NPRL3: variants seen among roughly 807,000 people sequenced by gnomAD.
NPRL3 encodes the protein GATOR1 complex protein NPRL3.
A neutral mutation model predicts 57.2 loss-of-function variants in NPRL3; 23 were observed. The ratio of observed to expected loss-of-function variants is 0.40; its 90% CI spans 0.29 to 0.57. The LOEUF is 0.57. Ranked by LOEUF, NPRL3 falls within the 20% of genes least tolerant of loss-of-function variation. The pLI is 0.42. For synonymous variants in NPRL3, 333 were observed against 321.1 expected (o/e 1.04, Z -0.39); for missense variants, 691 against 767.1 (o/e 0.90, Z 1.17).
In NPRL3 at chr16:86,886, G is replaced by A. The variant is rs1467379704; in HGVS notation, c.1545-16C>T. On this transcript the variant is annotated splice_polypyrimidine_tract_variant and intron_variant, in intron 13 of 13. Transcript: ENST00000611875. ...GTGAAGGAGCCTGGAAGGGATGGGT[G>A]GGTGTGAGCCCAACCTGACACCAGC... is the stretch of plus-strand genomic sequence containing the variant. The A allele has an allele frequency of 4.3e-6, 7 of 1,610,010 alleles. No individual in the cohort carries two copies. Among genetic ancestry groups the A allele is most frequent in the Non-Finnish European group, 5.9e-6 (7 of 1,178,060 alleles).
chr16:130,867 G>C (rs1900757605), intron 2 of NPRL3, among the ~76,000 whole-genome samples: 1 of 152,226 alleles, frequency 6.6e-6, no homozygotes. Context: ...GGTTAGCACA[G>C]GCTGGGAGCA....
rs1204468635 is a variant in NPRL3, at chr16:100,629, G to T, written c.630-120C>A. ...CTGCTTAGGGGAAACTGCAGGTGGA[G>T]ACCCGGGCAGGAGAGCATCTCTTAA... On this transcript the variant is annotated intron_variant, in intron 7 of 13. Coordinates refer to ENST00000611875, the MANE Select transcript of NPRL3 (RefSeq NM_001077350.3). 8 of 999,644 alleles carry T rather than the reference G, an allele frequency of 8.0e-6. No homozygotes were observed. In the East Asian group the frequency reaches 2.5e-4, roughly 32 times the overall value. The allele number at this position is 999,644 out of a possible 1,614,324, so 61.9% of individuals were successfully genotyped here.
chr16:95,350 T>TATATACATACACACACACAC (rs1223611120), intron 9 of NPRL3, among the ~76,000 whole-genome samples: 1 of 110,990 alleles, frequency 9.0e-6, no homozygotes, highest in African/African-American at 3.7e-5. Flanking sequence ...TATATATATA[T>TATATACATACACACACACAC]ACACACACAC....
At chr16:125,604 A>C (rs1318200281) in intron 3 of NPRL3, 1 of 152,254 alleles carries the variant, frequency 6.6e-6, no homozygotes, top group African/African-American at 2.4e-5. Flanking sequence ...AACAGAAAAC[A>C]GTGGAACTAA....
rs117667793 is a variant in NPRL3 at position 129,515 on chromosome 16, C to T, written c.188+1007G>A. On this transcript the variant is annotated intron_variant, in intron 3 of 13. Coordinates refer to ENST00000611875, the MANE Select transcript of NPRL3 (RefSeq NM_001077350.3). ...CTCCCAAATGATGATAAAAATCACA[C>T]TCTTGGAACCACAAATTGTGGTCAG... Among the ~76,000 whole-genome samples, 79 of 152,268 alleles carry T rather than the reference C, an allele frequency of 5.2e-4. 1 individual carries two copies. In the East Asian group the frequency reaches 0.014, roughly 27 times the overall value.
chr16:126,848 G>A (rs570697864), intron 3 of NPRL3, among the ~76,000 whole-genome samples: 4 of 152,168 alleles, frequency 2.6e-5, no homozygotes, highest in African/African-American at 9.7e-5. Context: ...ATAAGTAAGA[G>A]TTAATCTCTA....
intron 9 of NPRL3, among the ~76,000 whole-genome samples, chr16:97,410 A>ATTTTTTTTTT (rs34410203): frequency 3.7e-3 from 422 of 114,578 alleles, no homozygotes; most frequent in Non-Finnish European, 4.9e-3. Flanking sequence ...ACACCCAGCT[A>ATTTTTTTTTT]TTTTTTTTTT....
At position 96,648 on chromosome 16, in the gene NPRL3, CAAAAA is replaced by C. The variant is rs68086908; in HGVS notation, c.924+1492_924+1496del. ...CAACATAGGGAAACCCCGTCTCTAC[CAAAAA>C]AAAAAAAAAAAAAAAAATATTAGCC... On this transcript the variant is annotated intron_variant, in intron 9 of 13. Transcript: ENST00000611875. Among the ~76,000 whole-genome samples, 77 of 100,262 alleles carry C rather than the reference CAAAAA, an allele frequency of 7.7e-4. 1 individual carries two copies. The highest frequency in any genetic ancestry group is 5.2e-3 in the Middle Eastern group (1 of 194). The allele number at this position is 100,262 out of a possible 152,430, so 65.8% of individuals were successfully genotyped here.
chr16:99,017 T>C (rs1459901089), intron 8 of NPRL3, among the ~76,000 whole-genome samples: 1 of 152,178 alleles, frequency 6.6e-6, no homozygotes, highest in African/African-American at 2.4e-5. Flanking sequence ...GCTCGAAGAC[T>C]GGACTCTGTA....
chr16:105,038 A>C (rs1326915545), intron 7 of NPRL3, among the ~76,000 whole-genome samples: 2 of 152,134 alleles, frequency 1.3e-5, no homozygotes, highest in Non-Finnish European at 2.9e-5. Flanking sequence ...CAAGGTGTTT[A>C]ATGGTTTGGT....
chr16:123,529 T>G, intron 3 of NPRL3: 1 of 471,098 alleles, frequency 2.1e-6, no homozygotes, highest in Non-Finnish European at 4.4e-6. Flanking sequence ...TGCTCATCGG[T>G]TGGAGGACAT....
chr16:113,924 T>A (rs1046389271), intron 5 of NPRL3, among the ~76,000 whole-genome samples: 1 of 152,210 alleles, frequency 6.6e-6, no homozygotes, highest in African/African-American at 2.4e-5. Context: ...GCAGCATCCC[T>A]TGCCAGAGAA....
chr16:108,674 T>A (rs867600299), intron 7 of NPRL3, among the ~76,000 whole-genome samples: 1 of 150,002 alleles, frequency 6.7e-6, no homozygotes, highest in Non-Finnish European at 1.5e-5. Context: ...TTTTTTAATT[T>A]TTATTATTAT....
At position 92,618 on chromosome 16, in the gene NPRL3, G is replaced by A. The variant is rs755067236; in HGVS notation, c.1139C>T (p.Pro380Leu). ...CACCTCCTGCACAGCGGGGGCCAGG[G>A]GATTCCTAAATTCTGACAAGGAGAC... is the stretch of plus-strand genomic sequence containing the variant. ...LPVSLSEFRN[P>L]LAPAVQETQL... Residue 380 changes from proline to leucine, a missense_variant, in exon 11 of 14, where the codon CCC becomes CTC. By Grantham distance (98) the Pro-to-Leu change is moderately conservative (BLOSUM62 -3). Transcript: ENST00000611875. The A allele has an allele frequency of 6.2e-7, 1 of 1,613,456 alleles. No homozygotes were observed. Among genetic ancestry groups the A allele is most frequent in the Non-Finnish European group, 8.5e-7 (1 of 1,179,710 alleles).
In NPRL3 at chr16:88,735, C is replaced by T. The variant is rs372717858; in HGVS notation, c.1507G>A (p.Ala503Thr). 2.4e-5 allele frequency: 39 copies of T among 1,613,356 alleles called. No homozygotes were observed. The highest frequency in any genetic ancestry group is 1.7e-4 in the Middle Eastern group (1 of 6,060). The change falls in exon 13 of 14, where the codon GCA becomes ACA. Residue 503 changes from alanine (A) to threonine (T), a missense_variant. Ala to Thr is a moderately conservative substitution (Grantham distance 58). Transcript: ENST00000611875. The part of the protein sequence containing the change: ...HERAAILSVP[A>T]AQNPEDLRMF... ...CGGAGGTCCTCAGGGTTCTGGGCTG[C>T]GGGTACACTGAGGATGGCTGCGCGT...
rs868680209 is a variant in NPRL3 at position 93,415 on chromosome 16, A to T, written c.925-90T>A. The T allele has an allele frequency of 1.5e-5, 12 of 810,050 alleles. No homozygotes were observed. The African/African-American group carries it at 1.9e-4, about 13-fold the overall frequency. The allele number at this position is 810,050 out of a possible 1,614,324, so 50.2% of individuals were successfully genotyped here. A position where few individuals can be genotyped will look rare whatever the true frequency, so the allele number is the denominator to read the frequency against. ...CTCTCAGCCTGGGTGGCCATGGCCTACCAGCCTGGAGAAGCTGGCCCCAGC... is the reference window on the plus strand; with the variant it reads ...CTCTCAGCCTGGGTGGCCATGGCCTTCCAGCCTGGAGAAGCTGGCCCCAGC... On this transcript the variant is annotated intron_variant, in intron 9 of 13. Coordinates refer to ENST00000611875, the MANE Select transcript of NPRL3 (RefSeq NM_001077350.3).
chr16:122,005 C>T (rs1304663588), intron 3 of NPRL3, among the ~76,000 whole-genome samples: 1 of 152,086 alleles, frequency 6.6e-6, no homozygotes, highest in Non-Finnish European at 1.5e-5. Flanking sequence ...GAACTCCTGA[C>T]CTCAGGTGAT....
chr16:97,484 C>T (rs1899068649), intron 9 of NPRL3, among the ~76,000 whole-genome samples: 1 of 143,360 alleles, frequency 7.0e-6, no homozygotes, highest in Admixed American at 7.6e-5. Flanking sequence ...GTCTCAAAGT[C>T]CTGGGCTAGG....
At chr16:136,207 G>A (rs1464199439) in intron 2 of NPRL3, among the ~76,000 whole-genome samples, 3 of 152,180 alleles carry the variant, frequency 2.0e-5, no homozygotes, top group Admixed American at 6.5e-5. Flanking sequence ...ACAATTTTGC[G>A]TCCATCAACC....
Sources: allele counts gnomAD v4.1 joint callset (sites outside exome capture counted in the v4.1 genomes callset), GRCh38; gene constraint gnomAD v4.1.1; transcripts MANE v1.5; gene names NCBI Gene and HGNC (gene_info 2026-07-23, HGNC 2026-07-21).